Variants in LZTS2 observed in about 807,000 individuals in gnomAD.
The protein encoded by LZTS2 is leucine zipper putative tumor suppressor 2.
In LZTS2, 32 loss-of-function variants were observed where a neutral mutation model predicts 60.6. That is an observed-to-expected ratio of 0.53 (90% CI 0.40 to 0.71). The LOEUF (loss-of-function observed/expected upper bound fraction) is 0.71. Among genes scored for constraint, LZTS2 ranks in the 30% least tolerant of loss-of-function variants. LZTS2 has a pLI of 0.00. For synonymous variants in LZTS2, 360 were observed against 393.1 expected (o/e 0.92, Z 1.00); for missense variants, 792 against 901.9 (o/e 0.88, Z 1.56).
exon 1 of LZTS2, chr10:101,000,764 C>T (rs2133964306): frequency 6.6e-6 from 1 of 152,436 alleles, no homozygotes; most frequent in Non-Finnish European, 1.5e-5. Context: ...GGAGGGGGTT[C>T]TCTATCTGCT....
At chr10:100,997,717 G>C (rs1851944633), upstream of LZTS2, among the ~76,000 whole-genome samples, 1 of 152,210 alleles carries the variant, frequency 6.6e-6, no homozygotes, top group African/African-American at 2.4e-5. Flanking sequence ...GCAGACCAGT[G>C]GCCTGTGCCC....
rs760029435 is a variant in LZTS2, at chr10:101,004,019, T to TG, written c.925dup (p.Glu309GlyfsTer14). 6.2e-7 allele frequency: 1 copy of TG among 1,613,130 alleles called. No individual in the cohort carries two copies. Among genetic ancestry groups the TG allele is most frequent in the Non-Finnish European group, 8.5e-7 (1 of 1,179,918 alleles). On this transcript the variant is annotated frameshift_variant, in exon 2 of 4. Coordinates refer to ENST00000370220, the Ensembl canonical transcript of LZTS2. LOFTEE classifies it high-confidence loss of function. Reference sequence around the variant, plus strand: ...GGGCCTCCCCTGACAGCAGCTCCTGTGGGGAGCGCTCACCACCACCCCCGC... The same window carrying TG: ...GGGCCTCCCCTGACAGCAGCTCCTGTGGGGGAGCGCTCACCACCACCCCCGC...
chr10:101,003,206 G>C, intron 1 of LZTS2: 1 of 544,154 alleles, frequency 1.8e-6, no homozygotes, highest in East Asian at 3.1e-5. Context: ...GTAAGTGCTA[G>C]TTGCTTACGT....
chr10:101,002,584 G>A (rs757811829), exon 1 of LZTS2: 6 of 1,546,258 alleles, frequency 3.9e-6, no homozygotes, highest in South Asian at 3.7e-5. Context: ...GCCTGCTCCT[G>A]AAGCTGCCAC....
In LZTS2 at chr10:101,005,685, C is replaced by CG. The variant is rs1304901637; in HGVS notation, c.1299dup (p.Pro434AlafsTer4). 2 of 1,598,426 alleles carry CG rather than the reference C, an allele frequency of 1.3e-6. No individual in the cohort carries two copies. Among genetic ancestry groups the CG allele is most frequent in the Non-Finnish European group, 1.7e-6 (2 of 1,171,616 alleles). ...CCTTGGAGCGGGAGCAGCGGGAGCT[C>CG]GGGCCGAGGCTTGAGGAGACCAAGT... is the stretch of plus-strand genomic sequence containing the variant. On this transcript the variant is annotated frameshift_variant, in exon 3 of 4. Transcript: ENST00000370220. LOFTEE classifies it high-confidence loss of function.
At chr10:101,007,810 A>T (rs867086070) in exon 4 of LZTS2, 18 of 334,302 alleles carry the variant, frequency 5.4e-5, no homozygotes, top group East Asian at 3.4e-4. Context: ...AGAAAAAATT[A>T]AAAAAAATTT....
chr10:101,007,524 C>T, exon 4 of LZTS2: 1 of 1,338,400 alleles, frequency 7.5e-7, no homozygotes, highest in Non-Finnish European at 9.8e-7. Context: ...TTCACATTCC[C>T]CCCGACCCCA....
chr10:100,998,819 T>C (rs1047591896), upstream of LZTS2: 2 of 152,330 alleles, frequency 1.3e-5, no homozygotes, highest in African/African-American at 4.8e-5. Context: ...TGCGGATTGT[T>C]GTGGAAGCCT....
At chr10:101,007,150 C>T in exon 4 of LZTS2, 1 of 1,597,364 alleles carries the variant, frequency 6.3e-7, no homozygotes, top group Non-Finnish European at 8.5e-7. Context: ...TGGAGGAGAT[C>T]ACTGCTACTG....
intron 2 of LZTS2, 28 bp downstream of exon 3, chr10:101,004,194 GGGCAT>G (rs1852117579): frequency 6.4e-7 from 1 of 1,570,602 alleles, no homozygotes; most frequent in African/African-American, 1.3e-5. Context: ...GATGGGGAAG[GGGCAT>G]GGCAGGACAT....
chr10:101,005,435 C>T, intron 2 of LZTS2, 23 bp from the exon 4 acceptor site: 1 of 1,525,724 alleles, frequency 6.6e-7, no homozygotes, highest in Non-Finnish European at 8.8e-7. Context: ...GCCCAGGAGC[C>T]AGGTCTCTCT....
At chr10:101,003,828 G>T in exon 2 of LZTS2, 1 of 1,613,450 alleles carries the variant, frequency 6.2e-7, no homozygotes, top group Non-Finnish European at 8.5e-7. Flanking sequence ...CAGCTCCCCA[G>T]GCGGGCACCT....
intron 1 of LZTS2, chr10:101,003,175 C>T (rs1852084601): frequency 3.4e-6 from 2 of 588,800 alleles, no homozygotes; most frequent in Admixed American, 3.5e-5. Context: ...AGCATAGTGC[C>T]TAGCACGTAG....
exon 1 of LZTS2, chr10:101,000,359 C>G (rs1309678107): frequency 1.3e-5 from 2 of 152,290 alleles, no homozygotes; most frequent in African/African-American, 4.8e-5. Flanking sequence ...CCTCCACTTG[C>G]CCCTCCTTCT....
At chr10:101,002,535 C>T in exon 1 of LZTS2, 1 of 1,510,162 alleles carries the variant, frequency 6.6e-7, no homozygotes, top group East Asian at 2.3e-5. Flanking sequence ...GAGCCTCTGC[C>T]ACCATGGCCA....
chr10:101,006,435 C>A (rs138907208), intron 3 of LZTS2, 50 bp from the exon 5 acceptor site: 6 of 1,557,100 alleles, frequency 3.9e-6, no homozygotes, highest in Middle Eastern at 2.3e-4. Flanking sequence ...GGGCCTGTCC[C>A]CCCAGGAGAA....
At chr10:100,998,109 C>T (rs1008340263), upstream of LZTS2, among the ~76,000 whole-genome samples, 2 of 152,192 alleles carry the variant, frequency 1.3e-5, no homozygotes, top group Non-Finnish European at 2.9e-5. Flanking sequence ...CTCCTCCCCC[C>T]AGAAAATGCA....
intron 2 of LZTS2, 152 bp downstream of exon 3, chr10:101,004,318 G>A: frequency 1.2e-6 from 1 of 864,998 alleles, no homozygotes; most frequent in Non-Finnish European, 1.7e-6. Flanking sequence ...GGTTTAATGT[G>A]TGGAGTAGCC....
At chr10:101,007,342 G>A (rs113846589) in exon 4 of LZTS2, 3 of 1,416,666 alleles carry the variant, frequency 2.1e-6, no homozygotes, top group Non-Finnish European at 2.8e-6. Context: ...CCTATGACTT[G>A]GAGGAGCAAG....
Sources: allele counts gnomAD v4.1 joint callset (sites outside exome capture counted in the v4.1 genomes callset), GRCh38; gene constraint gnomAD v4.1.1; transcripts MANE v1.5; gene names NCBI Gene and HGNC (gene_info 2026-07-23, HGNC 2026-07-21).